The following PCSK2 variants were observed in gnomAD, a reference collection of about 807,000 sequenced individuals.
The protein encoded by PCSK2 is proprotein convertase subtilisin/kexin type 2, also known as neuroendocrine convertase 2.
In PCSK2, 14 loss-of-function variants were observed where a neutral mutation model predicts 69.7. The ratio of observed to expected loss-of-function variants is 0.20; its 90% confidence interval spans 0.13 to 0.31. The LOEUF (loss-of-function observed/expected upper bound fraction) is 0.31. Ranked by LOEUF, PCSK2 falls within the 10% of genes least tolerant of loss-of-function variation. The pLI is 1.00. For missense variants in PCSK2, 544 were observed against 842.5 expected (o/e 0.65, Z 4.39); for synonymous variants, 307 against 320.7 (o/e 0.96, Z 0.46).
intron 2 of PCSK2, among the ~76,000 whole-genome samples, chr20:17,333,302 T>C (rs1990249808): frequency 6.6e-6 from 1 of 152,196 alleles, no homozygotes; most frequent in South Asian, 2.1e-4. Flanking sequence ...AATACTCTTT[T>C]CCCAATTTTT....
At chr20:17,349,801 G>A (rs141289568) in intron 2 of PCSK2, among the ~76,000 whole-genome samples, 36 of 152,014 alleles carry the variant, frequency 2.4e-4, no homozygotes, top group African/African-American at 6.0e-4. Context: ...GGCTCACTAC[G>A]CTGGCTGGTC....
chr20:17,237,887 G>A (rs1394512726), intron 1 of PCSK2, among the ~76,000 whole-genome samples: 3 of 152,292 alleles, frequency 2.0e-5, no homozygotes, highest in South Asian at 2.1e-4. Context: ...TCCTGCCTGA[G>A]GGGTGAGGAA....
chr20:17,268,060 T>TATATATATATATATAAAA (rs1395373344), intron 2 of PCSK2, among the ~76,000 whole-genome samples: 18 of 146,218 alleles, frequency 1.2e-4, no homozygotes, highest in African/African-American at 4.6e-4. Flanking sequence ...TATATATATA[T>TATATATATATATATAAAA]ATAATGCATT....
At chr20:17,316,792 CAG>C (rs1221601875) in intron 2 of PCSK2, among the ~76,000 whole-genome samples, 1 of 152,088 alleles carries the variant, frequency 6.6e-6, no homozygotes, top group Non-Finnish European at 1.5e-5. Context: ...ATGTGGCAGA[CAG>C]ATTATAAGAG....
At position 17,409,316 on chromosome 20, in the gene PCSK2, G is replaced by T. The variant is rs2031821774; in HGVS notation, c.597G>T (p.Arg199=). 1 of 1,613,636 alleles carries T rather than the reference G, an allele frequency of 6.2e-7. No homozygotes were observed. Among genetic ancestry groups the T allele is most frequent in the African/African-American group, 1.3e-5 (1 of 75,024 alleles). Residue 199 remains arginine, a synonymous_variant, in exon 6 of 12, where the codon CGG becomes CGT. Coordinates refer to ENST00000262545, the MANE Select transcript of PCSK2 (RefSeq NM_002594.5). Reference sequence around the variant, plus strand: ...GCAACGACCCCTATCCTTACCCTCGGTACACAGATGACTGGTTTAACAGGT... The same window carrying T: ...GCAACGACCCCTATCCTTACCCTCGTTACACAGATGACTGGTTTAACAGGT... ...FSSNDPYPYP[R]YTDDWFNSHG... is the part of the protein sequence containing the mutation.
chr20:17,258,329 C>T (rs1568572617), intron 1 of PCSK2, among the ~76,000 whole-genome samples: 1 of 152,158 alleles, frequency 6.6e-6, no homozygotes, highest in Non-Finnish European at 1.5e-5. Flanking sequence ...TGCTGCAAAC[C>T]TCTTGTCAAT....
Position 17,483,882 on chromosome 20 carries a change from G to A in PCSK2, c.*1812G>A. The A allele has an allele frequency of 6.6e-6, 1 of 152,556 alleles. No individual in the cohort carries two copies. The highest frequency in any genetic ancestry group is 1.5e-5 in the Non-Finnish European group (1 of 68,022). 9.5% of individuals were successfully genotyped at this position (152,556 alleles called of 1,614,324 possible). On this transcript the variant is annotated 3_prime_UTR_variant, in exon 12 of 12. Transcript: ENST00000262545. ...ACCAAAGGACATTATGTGTGCATGT[G>A]TGTATAAGTGCACACAGAAATATAT...
At position 17,449,716 on chromosome 20, in the gene PCSK2, G is replaced by A. The variant is rs536315881; in HGVS notation, c.886-4026G>A. On this transcript the variant is annotated intron_variant, in intron 8 of 11. Transcript: ENST00000262545. ...CTAATTTTGTATTTTTAATAGAGAC[G>A]AGGTTTCTCCATGTTGGTCAGGCTG... Among the ~76,000 whole-genome samples, 6 of 151,702 alleles carry A rather than the reference G, an allele frequency of 4.0e-5. No individual in the cohort carries two copies. In the South Asian group the frequency reaches 8.3e-4, roughly 21 times the overall value.
chr20:17,469,605 C>A (rs1011749495), intron 11 of PCSK2, among the ~76,000 whole-genome samples: 2 of 152,158 alleles, frequency 1.3e-5, no homozygotes, highest in Admixed American at 1.3e-4. Flanking sequence ...GAAGCAAAGC[C>A]CATCTAAACC....
intron 6 of PCSK2, among the ~76,000 whole-genome samples, chr20:17,417,773 T>G (rs1169022079): frequency 1.3e-5 from 2 of 152,212 alleles, no homozygotes; most frequent in Non-Finnish European, 2.9e-5. Flanking sequence ...TGATGTTTTC[T>G]TCAGTATTAC....
intron 5 of PCSK2, among the ~76,000 whole-genome samples, chr20:17,407,057 T>C (rs2031767628): frequency 6.6e-6 from 1 of 152,130 alleles, no homozygotes; most frequent in Admixed American, 6.5e-5. Flanking sequence ...GGCCAGCTAG[T>C]TCTCAGCGTC....
chr20:17,409,805 T>C (rs2031830824), intron 6 of PCSK2, among the ~76,000 whole-genome samples: 1 of 152,224 alleles, frequency 6.6e-6, no homozygotes, highest in South Asian at 2.1e-4. Flanking sequence ...GGCAGAGGTT[T>C]GAAGTATTGC....
intron 5 of PCSK2, among the ~76,000 whole-genome samples, chr20:17,390,840 AT>A (rs1344019707): frequency 6.6e-6 from 1 of 151,938 alleles, no homozygotes; most frequent in African/African-American, 2.4e-5. Context: ...TCACTTTCCA[AT>A]TTTGGTGACG....
At chr20:17,376,966 A>G (rs946829195) in intron 5 of PCSK2, among the ~76,000 whole-genome samples, 1 of 152,202 alleles carries the variant, frequency 6.6e-6, no homozygotes, top group Non-Finnish European at 1.5e-5. Context: ...CCTCTGTGTA[A>G]TTCCTAGTTC....
At chr20:17,467,855 G>A (rs1036098928) in intron 11 of PCSK2, among the ~76,000 whole-genome samples, 1 of 152,328 alleles carries the variant, frequency 6.6e-6, no homozygotes, top group Admixed American at 6.5e-5. Context: ...ATGACTAGAT[G>A]TGAACACTTC....
At chr20:17,245,261 T>C (rs1345352513) in intron 1 of PCSK2, among the ~76,000 whole-genome samples, 2 of 152,238 alleles carry the variant, frequency 1.3e-5, no homozygotes, top group East Asian at 1.9e-4. Context: ...AATTACTTTT[T>C]CAAGCAGACA....
intron 2 of PCSK2, among the ~76,000 whole-genome samples, chr20:17,264,114 G>C (rs1038668171): frequency 6.6e-5 from 10 of 152,094 alleles, no homozygotes; most frequent in Admixed American, 2.0e-4. Flanking sequence ...TTGCTTCCCA[G>C]CTCTGTCAAA....
intron 5 of PCSK2, among the ~76,000 whole-genome samples, chr20:17,385,128 G>T (rs1268427087): frequency 6.6e-6 from 1 of 152,136 alleles, no homozygotes; most frequent in Non-Finnish European, 1.5e-5. Context: ...GGGAAGGGTG[G>T]AGTAGTTGTG....
intron 2 of PCSK2, among the ~76,000 whole-genome samples, chr20:17,279,896 A>G (rs1051657785): frequency 5.3e-5 from 8 of 152,058 alleles, no homozygotes; most frequent in African/African-American, 1.9e-4. Flanking sequence ...AAGTGTTTTC[A>G]AAACAACACT....
Sources: gnomAD v4.1 joint callset for allele counts (sites outside exome capture counted in the v4.1 genomes callset) on GRCh38, gnomAD v4.1.1 for gene constraint, MANE v1.5 for transcripts, NCBI Gene and HGNC (gene_info 2026-07-23, HGNC 2026-07-21) for gene names.